Variants in CEP290 observed in about 807,000 individuals in gnomAD.
The protein encoded by CEP290 is centrosomal protein 290.
CEP290 carries 317 observed loss-of-function variants against 344.9 expected under a neutral mutation model. The ratio of observed to expected loss-of-function variants is 0.92; its 90% confidence interval spans 0.84 to 1.01. CEP290 has a LOEUF of 1.01. Among genes scored for constraint, CEP290 ranks in the 50% least tolerant of loss-of-function variants. The pLI, the probability that CEP290 is intolerant of heterozygous loss-of-function variation, is 0.00. For missense variants in CEP290, 2,754 were observed against 2,761.4 expected, an observed-to-expected ratio of 1.00 and a Z score of 0.06; for synonymous variants, 932 against 895.8, an observed-to-expected ratio of 1.04 and a Z score of -0.72.
chr12:88,076,609 G>C (rs1039623604), intron 41 of CEP290, among the ~76,000 whole-genome samples: 3 of 51,934 alleles, frequency 5.8e-5, no homozygotes, highest in Non-Finnish European at 1.6e-4. Context: ...GCCAATTTTA[G>C]TTTTTTTTGG....
Position 88,083,216 on chromosome 12 carries a change from C to T in CEP290, c.4827G>A (p.Gln1609=), listed in dbSNP as rs759598585. Residue 1609 remains glutamine, a synonymous_variant, in exon 37 of 54, where the codon CAG becomes CAA. Transcript: ENST00000552810. ...FKQTAWDLMK[Q]SPTPVPTNKH... ...TGTTGGTAGGAACTGGAGTGGGAGA[C>T]TGTTTCATTAAATCCTATAAAATAT... The T allele has an allele frequency of 2.7e-6, 4 of 1,482,206 alleles. No individual in the cohort carries two copies. In the South Asian group the frequency reaches 4.3e-5, roughly 16 times the overall value. 91.8% of individuals were successfully genotyped at this position (1,482,206 alleles called of 1,614,324 possible). A position where few individuals can be genotyped will look rare whatever the true frequency, so the allele number is the denominator to read the frequency against.
chr12:88,092,717 T>C lies in CEP290; in HGVS notation c.3425A>G (p.Glu1142Gly). 6.2e-7 allele frequency: 1 copy of C among 1,610,584 alleles called. No homozygotes were observed. Among genetic ancestry groups the C allele is most frequent in the Non-Finnish European group, 8.5e-7 (1 of 1,178,592 alleles). ...DADRQRILEL[E>G]KNEMELKVEV... ...AACTTTTAGTTCCATTTCATTCTTC[T>C]CTAATTCTAGAATCCGTTGCCTATC... Residue 1142 changes from glutamate (E) to glycine (G), a missense_variant, in exon 29 of 54, where the codon GAG (glutamate) becomes GGG (glycine). Glu to Gly is a moderately conservative substitution (Grantham distance 98, BLOSUM62 -2). Coordinates refer to ENST00000552810, the MANE Select transcript of CEP290 (RefSeq NM_025114.4).
Position 88,109,126 on chromosome 12 carries a change from TA to T in CEP290, c.2422del (p.Tyr808ThrfsTer7). ...ACGAATTACAGCAAATTTTCTGTTG[TA>T]ATCTTCAAGAGAATCTTCTAAATTC... is the stretch of plus-strand genomic sequence containing the variant. ...LKNLEDSLED[Y>X]NRKFAVIRHQ... is the part of the protein sequence containing the mutation. On this transcript the variant is annotated frameshift_variant, in exon 23 of 54. Transcript: ENST00000552810. LOFTEE classifies it high-confidence loss of function. 6.8e-7 allele frequency: 1 copy of T among 1,472,402 alleles called. No homozygotes were observed. The highest frequency in any genetic ancestry group is 2.4e-5 in the Admixed American group (1 of 41,740). 91.2% of individuals were successfully genotyped at this position (1,472,402 alleles called of 1,614,324 possible).
intron 39 of CEP290, among the ~76,000 whole-genome samples, chr12:88,078,271 G>A (rs2035934776): frequency 6.6e-6 from 1 of 152,008 alleles, no homozygotes; most frequent in African/African-American, 2.4e-5. Context: ...ACACTATGAA[G>A]CATAAGAGTA....
chr12:88,104,956 T>C (rs2038166421), intron 25 of CEP290, among the ~76,000 whole-genome samples: 1 of 152,146 alleles, frequency 6.6e-6, no homozygotes, highest in South Asian at 2.1e-4. Context: ...ATAATTAAAC[T>C]GGAAATAACA....
At chr12:88,090,666 CATCTA>C in intron 30 of CEP290, 57 bp downstream of exon 30, 1 of 985,860 alleles carries the variant, frequency 1.0e-6, no homozygotes, top group Non-Finnish European at 1.6e-6. Context: ...CCACTCCCAA[CATCTA>C]ATGTAAATTT....
In CEP290 at chr12:88,096,279, C is replaced by T. The variant is rs1169665153; in HGVS notation, c.3103+609G>A. Among the ~76,000 whole-genome samples, 4 of 152,048 alleles carry T rather than the reference C, an allele frequency of 2.6e-5. No individual in the cohort carries two copies. The South Asian group carries it at 6.2e-4, about 24-fold the overall frequency. ...GGCCAGGCTGGTCTCGAACTCCTGA[C>T]CCCAGGGGATCTGCTCTCCTCAGCC... On this transcript the variant is annotated intron_variant, in intron 27 of 53. Transcript: ENST00000552810.
At position 88,083,105 on chromosome 12, in the gene CEP290, TTTC is replaced by T; in HGVS notation, c.4935_4937del (p.Lys1646del). 1 of 1,541,832 alleles carries T rather than the reference TTTC, an allele frequency of 6.5e-7. No homozygotes were observed. The highest frequency in any genetic ancestry group is 8.8e-7 in the Non-Finnish European group (1 of 1,142,806). On this transcript the variant is annotated inframe_deletion, in exon 37 of 54. Coordinates refer to ENST00000552810, the MANE Select transcript of CEP290 (RefSeq NM_025114.4). Reference sequence around the variant, plus strand: ...TTTGTCTCTCCAAATCTTGTGATACTTTCTTTAGTTTGACCAAGAGTGAGGAAA... The same window carrying T: ...TTTGTCTCTCCAAATCTTGTGATACTTTTAGTTTGACCAAGAGTGAGGAAA...
chr12:88,065,644 C>A (rs1282182581), intron 44 of CEP290, among the ~76,000 whole-genome samples: 2 of 152,098 alleles, frequency 1.3e-5, no homozygotes, highest in African/African-American at 4.8e-5. Context: ...TTTGATTCAG[C>A]AAATGATAAA....
At chr12:88,051,737 ATCTCAGAAGCTAAGCACTG>A (rs1194888665) in intron 52 of CEP290, 1 of 152,166 alleles carries the variant, frequency 6.6e-6, no homozygotes, top group Non-Finnish European at 1.5e-5. Context: ...CTGATCTCTG[ATCTCAGAAGCTAAGCACTG>A]TTGGGCCTGG....
chr12:88,115,531 C>A, intron 18 of CEP290: 1 of 1,293,688 alleles, frequency 7.7e-7, no homozygotes, highest in Non-Finnish European at 1.0e-6. Flanking sequence ...TTTCTACACT[C>A]TGCTTCTTTG....
Position 88,130,385 on chromosome 12 carries a change from C to T in CEP290, c.552G>A (p.Gln184=). The change falls in exon 9 of 54, where the codon CAG becomes CAA. Residue 184 remains glutamine (Q), a synonymous_variant. Transcript: ENST00000552810. ...EQLCQDIIDY[Q]KQIDSQKETL... ...TTTCTTTCTGTGAATCTATTTGTTT[C>T]TGGTAGTCAATAATATCCTGACAAA... 1 of 1,609,184 alleles carries T rather than the reference C, an allele frequency of 6.2e-7. No homozygotes were observed. The highest frequency in any genetic ancestry group is 8.5e-7 in the Non-Finnish European group (1 of 1,178,142).
At chr12:88,074,444 G>A (rs982032106) in intron 41 of CEP290, among the ~76,000 whole-genome samples, 1 of 152,132 alleles carries the variant, frequency 6.6e-6, no homozygotes, top group Non-Finnish European at 1.5e-5. Flanking sequence ...AGGGAACCAA[G>A]ACTGAAAGAA....
At chr12:88,075,553 A>G (rs2035703407) in intron 41 of CEP290, among the ~76,000 whole-genome samples, 1 of 152,156 alleles carries the variant, frequency 6.6e-6, no homozygotes, top group African/African-American at 2.4e-5. Context: ...AAAAGAAAAA[A>G]AAAAGATGAA....
chr12:88,118,762 T>C lies in CEP290; in HGVS notation c.1523-19A>G. On this transcript the variant is annotated intron_variant, in intron 15 of 53. Coordinates refer to ENST00000552810, the MANE Select transcript of CEP290 (RefSeq NM_025114.4). ...TCAAGGCCTACAATAGAAAGCAATA[T>C]AATTAAAAACTTAAAAACATTCAAA... 2 of 1,564,130 alleles carry C rather than the reference T, an allele frequency of 1.3e-6. No individual in the cohort carries two copies. Among genetic ancestry groups the C allele is most frequent in the Non-Finnish European group, 1.7e-6 (2 of 1,149,096 alleles).
chr12:88,087,186 T>C (rs2036646050), intron 32 of CEP290, among the ~76,000 whole-genome samples: 1 of 152,228 alleles, frequency 6.6e-6, no homozygotes, highest in South Asian at 2.1e-4. Flanking sequence ...CTTCTTACTC[T>C]ATCAGTGAGA....
intron 46 of CEP290, 65 bp downstream of exon 46, chr12:88,062,627 A>G (rs2034564807): frequency 1.9e-6 from 2 of 1,080,384 alleles, no homozygotes; most frequent in Admixed American, 2.0e-5. Context: ...CAACATATCT[A>G]AACTTTTCAT....
In CEP290 at chr12:88,068,595, T is replaced by G; in HGVS notation, c.6062A>C (p.Gln2021Pro). 6.3e-7 allele frequency: 1 copy of G among 1,590,986 alleles called. No individual in the cohort carries two copies. Among genetic ancestry groups the G allele is most frequent in the Admixed American group, 1.8e-5 (1 of 55,492 alleles). The change falls in exon 44 of 54, where the codon CAA (glutamine) becomes CCA (proline). Residue 2021 changes from glutamine to proline, a missense_variant. Physicochemically the swap from Gln to Pro is moderately conservative, Grantham distance 76. Transcript: ENST00000552810. Reference protein sequence around the residue: ...RDSVVEDLHLQNRYLQEKLHA... With the variant: ...RDSVVEDLHLPNRYLQEKLHA... ...AAGTTTTTCTTGGAGGTATCTATTT[T>G]GTAAATGTAAATCTTCTACAACAGA...
chr12:88,083,774 G>A, intron 36 of CEP290, 73 bp downstream of exon 36: 2 of 966,520 alleles, frequency 2.1e-6, no homozygotes, highest in East Asian at 2.6e-5. Context: ...TTCCAAAAAA[G>A]AAGAGAGCTG....
Sources: gnomAD v4.1 joint callset for allele counts (sites outside exome capture counted in the v4.1 genomes callset) on GRCh38, gnomAD v4.1.1 for gene constraint, MANE v1.5 for transcripts, NCBI Gene and HGNC (gene_info 2026-07-23, HGNC 2026-07-21) for gene names.